MON1A: variants seen among roughly 807,000 people sequenced by gnomAD.
MON1A encodes vacuolar fusion protein MON1 homolog A.
A neutral mutation model predicts 44.6 loss-of-function variants in MON1A; 29 were observed. That is an observed-to-expected ratio of 0.65 (90% CI 0.48 to 0.89). MON1A has a LOEUF of 0.89. Ranked by LOEUF, MON1A falls within the 40% of genes least tolerant of loss-of-function variation. The probability of loss-of-function intolerance (pLI) is 0.00; values close to 1 mark genes in which losing one functional copy is unlikely to be tolerated. For missense variants in MON1A, 615 were observed against 759.6 expected, an observed-to-expected ratio of 0.81 and a Z score of 2.24; for synonymous variants, 275 against 316.4, an observed-to-expected ratio of 0.87 and a Z score of 1.39.
Position 49,911,475 on chromosome 3 carries a change from A to G in MON1A, c.613+51T>C. 6.4e-7 allele frequency: 1 copy of G among 1,558,176 alleles called. No homozygotes were observed. The highest frequency in any genetic ancestry group is 8.7e-7 in the Non-Finnish European group (1 of 1,152,712). On this transcript the variant is annotated intron_variant, in intron 3 of 5. Coordinates refer to ENST00000296473, the MANE Select transcript of MON1A (RefSeq NM_032355.4). The surrounding 1 kb of genome is among the most constrained non-coding windows in gnomAD (Gnocchi z 5.7). ...CTGCAGGGGTCCAAAACCTGCTATG[A>G]ATGAACCTTGGCCAGGGGAGCCCGC...
Position 49,929,675 on chromosome 3 carries a change from G to A in MON1A, c.-80C>T. 1 of 1,551,270 alleles carries A rather than the reference G, an allele frequency of 6.4e-7. No homozygotes were observed. The highest frequency in any genetic ancestry group is 1.4e-5 in the African/African-American group (1 of 73,190). On this transcript the variant is annotated 5_prime_UTR_variant, in exon 1 of 6. Coordinates refer to ENST00000296473, the MANE Select transcript of MON1A (RefSeq NM_032355.4). ...CACTGCCCTCTGCCGGACCCATGGAGGGGTAAGGGTGTCCGGCCGGGGCCG... is the reference window on the plus strand; with the variant it reads ...CACTGCCCTCTGCCGGACCCATGGAAGGGTAAGGGTGTCCGGCCGGGGCCG...
Position 49,910,118 on chromosome 3 carries a change from C to T in MON1A, c.1379+1G>A, listed in dbSNP as rs1397785693. The T allele has an allele frequency of 2.5e-6, 4 of 1,585,984 alleles. No individual in the cohort carries two copies. Among genetic ancestry groups the T allele is most frequent in the South Asian group, 1.1e-5 (1 of 88,116 alleles). On this transcript the variant is annotated splice_donor_variant, in intron 4 of 5. Transcript: ENST00000296473. LOFTEE classifies it high-confidence loss of function. This position sits in a 1 kb window ranked among gnomAD's most constrained non-coding sequence, Gnocchi z 8.0. The stretch of plus-strand genomic sequence containing the variant: ...GCAGTGCCCTCAAGGCCCTCCCTCA[C>T]CTGGTGAAGAGTCCCGAGCTCTTTG...
intron 1 of MON1A, among the ~76,000 whole-genome samples, chr3:49,917,123 G>A (rs1009275095): frequency 6.6e-6 from 1 of 152,058 alleles, no homozygotes; most frequent in Admixed American, 6.6e-5. Context: ...ACCATGCGTG[G>A]ATAATTTTTG....
At chr3:49,922,087 C>T (rs1393903201) in intron 1 of MON1A, among the ~76,000 whole-genome samples, 1 of 148,920 alleles carries the variant, frequency 6.7e-6, no homozygotes, top group South Asian at 2.1e-4. Context: ...CAGTGAGCCA[C>T]GATCACGCCA....
chr3:49,914,708 C>T (rs181722209), intron 1 of MON1A, among the ~76,000 whole-genome samples: 2 of 152,094 alleles, frequency 1.3e-5, no homozygotes, highest in East Asian at 3.9e-4. Context: ...CCAGCACATC[C>T]AGCTAATTTT....
intron 1 of MON1A, among the ~76,000 whole-genome samples, chr3:49,917,874 C>G (rs758830022): frequency 1.7e-4 from 26 of 151,798 alleles, no homozygotes; most frequent in Non-Finnish European, 3.4e-4. Flanking sequence ...TGAAGAAACC[C>G]TGTCTCTACT....
chr3:49,915,585 T>C (rs2082936390), intron 1 of MON1A, among the ~76,000 whole-genome samples: 2 of 152,244 alleles, frequency 1.3e-5, no homozygotes, highest in South Asian at 4.1e-4. Context: ...GACCAATAGT[T>C]CTTTTTGGAT....
chr3:49,921,770 C>T (rs1185489961), intron 1 of MON1A, among the ~76,000 whole-genome samples: 1 of 151,804 alleles, frequency 6.6e-6, no homozygotes, highest in African/African-American at 2.4e-5. Flanking sequence ...AGTGAACTTC[C>T]TGCCTCAGCC....
At chr3:49,929,438 TTCCCCAGC>T in intron 1 of MON1A, 163 bp downstream of exon 1, 1 of 773,452 alleles carries the variant, frequency 1.3e-6, no homozygotes, top group Non-Finnish European at 2.1e-6. Context: ...GCCTTTTGTA[TTCCCCAGC>T]TGGGGACTAG....
rs1275347783 is a variant in MON1A at position 49,910,243 on chromosome 3, T to C, written c.1255A>G (p.Lys419Glu). 1 of 1,613,968 alleles carries C rather than the reference T, an allele frequency of 6.2e-7. No individual in the cohort carries two copies. ...CGCAGGGCCAGGTGGGCTCCGCGCT[T>C]GCGAAGGCGCTCCTGGAAGCGGCGG... ...CRRRFQERLR[K>E]RGAHLALREA... The change falls in exon 4 of 6, where the codon AAG becomes GAG. Residue 419 changes from lysine (K) to glutamate (E), a missense_variant. Coordinates refer to ENST00000296473, the MANE Select transcript of MON1A (RefSeq NM_032355.4). This position sits in a 1 kb window ranked among gnomAD's most constrained non-coding sequence, Gnocchi z 8.0.
intron 1 of MON1A, among the ~76,000 whole-genome samples, chr3:49,926,269 T>G (rs1160352973): frequency 6.6e-6 from 1 of 152,118 alleles, no homozygotes; most frequent in African/African-American, 2.4e-5. Context: ...GCACCCCACT[T>G]CACCTACTCC....
chr3:49,924,547 C>T (rs750853169), intron 1 of MON1A: 3 of 292,212 alleles, frequency 1.0e-5, no homozygotes, highest in East Asian at 1.5e-4. Flanking sequence ...GGTGTCATGA[C>T]GGGCGCCTGT....
chr3:49,918,353 A>C (rs1276090981), intron 1 of MON1A, among the ~76,000 whole-genome samples: 1 of 151,928 alleles, frequency 6.6e-6, no homozygotes, highest in African/African-American at 2.4e-5. Context: ...AAAAGAACAA[A>C]AAAAAAGAAC....
chr3:49,920,535 ACTC>A (rs1338352141), intron 1 of MON1A: 1 of 151,754 alleles, frequency 6.6e-6, no homozygotes, highest in Admixed American at 6.6e-5. Flanking sequence ...CTCAAACTGA[ACTC>A]CTTAAAAAGG....
rs1439907209 is a variant in MON1A, at chr3:49,911,213, G to GATAGATAGATAGATAGATGATAGATAC, written c.613+312_613+313insGTATCTATCATCTATCTATCTATCTAT. Among the ~76,000 whole-genome samples the GATAGATAGATAGATAGATGATAGATAC allele has an allele frequency of 2.6e-3, 358 of 140,174 alleles. 1 individual carries two copies. The highest frequency in any genetic ancestry group is 5.2e-3 in the African/African-American group (187 of 35,726). The allele number at this position is 140,174 out of a possible 152,430, so 92.0% of individuals were successfully genotyped here. Reference sequence around the variant, plus strand: ...GATTAGATAGATAGATAGATAGATAGATAGATAGATAGATAGATAGATAGA... The same window carrying GATAGATAGATAGATAGATGATAGATAC: ...GATTAGATAGATAGATAGATAGATAGATAGATAGATAGATAGATGATAGATACATAGATAGATAGATAGATAGATAGA... On this transcript the variant is annotated intron_variant, in intron 3 of 5. Coordinates refer to ENST00000296473, the MANE Select transcript of MON1A (RefSeq NM_032355.4). This position sits in a 1 kb window ranked among gnomAD's most constrained non-coding sequence, Gnocchi z 5.7.
In MON1A at chr3:49,929,674, A is replaced by G; in HGVS notation, c.-79T>C. The G allele has an allele frequency of 6.4e-7, 1 of 1,551,134 alleles. No individual in the cohort carries two copies. Among genetic ancestry groups the G allele is most frequent in the Non-Finnish European group, 8.7e-7 (1 of 1,146,876 alleles). On this transcript the variant is annotated 5_prime_UTR_variant, in exon 1 of 6. Transcript: ENST00000296473. ...TCACTGCCCTCTGCCGGACCCATGG[A>G]GGGGTAAGGGTGTCCGGCCGGGGCC...
In MON1A at chr3:49,911,338, G is replaced by A. The variant is rs148283972; in HGVS notation, c.613+188C>T. Among the ~76,000 whole-genome samples the A allele has an allele frequency of 1.1e-3, 162 of 152,250 alleles. 1 individual carries two copies. Among genetic ancestry groups the A allele is most frequent in the African/African-American group, 3.7e-3 (153 of 41,528 alleles). ...GTCAGAGGCAACTTTGGTCCTCGCC[G>A]CAGCCCCATGAGGCCAGCAGTGTTG... is the stretch of plus-strand genomic sequence containing the variant. On this transcript the variant is annotated intron_variant, in intron 3 of 5. Coordinates refer to ENST00000296473, the MANE Select transcript of MON1A (RefSeq NM_032355.4). The surrounding 1 kb of genome is among the most constrained non-coding windows in gnomAD (Gnocchi z 5.7).
rs771883124 is a variant in MON1A, at chr3:49,909,145, C to T, written c.1537G>A (p.Ala513Thr). The T allele has an allele frequency of 4.0e-5, 64 of 1,609,662 alleles. No individual in the cohort carries two copies. The highest frequency in any genetic ancestry group is 4.5e-5 in the Non-Finnish European group (53 of 1,176,950). ...CTGTAACACATGTAGAGCTCAAAGG[C>T]GCCTGTCACCTGGAGAAGGGGCAAA... Reference protein sequence around the residue: ...NENLLAWVTGAFELYMCYSPL... With the variant: ...NENLLAWVTGTFELYMCYSPL... The change falls in exon 6 of 6, where the codon GCC becomes ACC. Residue 513 changes from alanine to threonine, a missense_variant. Transcript: ENST00000296473. The surrounding 1 kb of genome is among the most constrained non-coding windows in gnomAD (Gnocchi z 4.0).
At position 49,913,360 on chromosome 3, in the gene MON1A, C is replaced by T. The variant is rs1259129122; in HGVS notation, c.-13-1G>A. On this transcript the variant is annotated splice_acceptor_variant, in intron 1 of 5. Coordinates refer to ENST00000296473, the MANE Select transcript of MON1A (RefSeq NM_032355.4). LOFTEE classifies it low-confidence loss of function (5UTR_SPLICE). ...GTCAGTAGCCATCCTTTGAGCTCTC[C>T]TGTGGGGCAAACAAATGCAACATCG... 1.9e-6 allele frequency: 3 copies of T among 1,604,212 alleles called. No homozygotes were observed. Among genetic ancestry groups the T allele is most frequent in the East Asian group, 2.2e-5 (1 of 44,592 alleles).
Sources: allele counts gnomAD v4.1 joint callset (sites outside exome capture counted in the v4.1 genomes callset), GRCh38; gene constraint gnomAD v4.1.1; non-coding constraint Gnocchi (gnomAD v3.1); transcripts MANE v1.5; gene names NCBI Gene and HGNC (gene_info 2026-07-23, HGNC 2026-07-21).